CYP24A1: variants seen among roughly 807,000 people sequenced by gnomAD.
The protein encoded by CYP24A1 is cytochrome P450 family 24 subfamily A member 1.
In CYP24A1, 68 loss-of-function variants were observed where a neutral mutation model predicts 62.4. That is an observed-to-expected ratio of 1.09 (90% CI 0.90 to 1.33). The LOEUF (loss-of-function observed/expected upper bound fraction) is 1.33, where lower values mean the gene tolerates loss of function less well. CYP24A1 is among the 40% of genes most tolerant of loss of function. The probability of loss-of-function intolerance (pLI) is 0.00; values close to 1 mark genes in which losing one functional copy is unlikely to be tolerated. For missense variants in CYP24A1, 787 were observed against 653.0 expected (o/e 1.21, Z -2.24); for synonymous variants, 267 against 253.0 (o/e 1.06, Z -0.52).
chr20:54,167,217 A>G (rs1432526701), intron 4 of CYP24A1, among the ~76,000 whole-genome samples: 1 of 152,164 alleles, frequency 6.6e-6, no homozygotes, highest in African/African-American at 2.4e-5. Context: ...AACTACCTCC[A>G]TGTTTTCCAA....
chr20:54,173,661 G>A lies in CYP24A1; in HGVS notation c.-82C>T. On this transcript the variant is annotated 5_prime_UTR_variant, in exon 1 of 12. Transcript: ENST00000216862. This position sits in a 1 kb window ranked among gnomAD's most constrained non-coding sequence, Gnocchi z 7.2. ...GTACGAGGTGCTAGTGGGAGTCGGG[G>A]CTTAACGATTCTGGGAAAAGGAAGC... 1.1e-6 allele frequency: 1 copy of A among 932,594 alleles called. No homozygotes were observed. Among genetic ancestry groups the A allele is most frequent in the South Asian group, 1.5e-5 (1 of 65,702 alleles). The allele number at this position is 932,594 out of a possible 1,614,324, so 57.8% of individuals were successfully genotyped here.
At chr20:54,151,756 C>T (rs986591643), downstream of CYP24A1, among the ~76,000 whole-genome samples, 7 of 151,772 alleles carry the variant, frequency 4.6e-5, no homozygotes, top group African/African-American at 1.5e-4. Context: ...TAGAGATGAG[C>T]AGTACATGAC....
chr20:54,156,964 A>G (rs2092630171), intron 11 of CYP24A1, among the ~76,000 whole-genome samples: 1 of 152,096 alleles, frequency 6.6e-6, no homozygotes. Flanking sequence ...TTCATATTAA[A>G]TTTTTGTGAT....
the CYP24A1 span, among the ~76,000 whole-genome samples, chr20:54,146,789 G>A: frequency 6.6e-6 from 1 of 152,160 alleles, no homozygotes; most frequent in Admixed American, 6.5e-5. Context: ...TGGTACTTGG[G>A]AGTTGATGCT....
At chr20:54,155,907 T>A (rs992933023) in intron 11 of CYP24A1, among the ~76,000 whole-genome samples, 15 of 130,960 alleles carry the variant, frequency 1.1e-4, no homozygotes, top group Non-Finnish European at 1.7e-4. Flanking sequence ...GCTATTTGGC[T>A]TATGTTATTT....
intron 9 of CYP24A1, 71 bp from the exon 10 acceptor site, chr20:54,157,656 A>C (rs1028060068): frequency 2.2e-6 from 2 of 910,536 alleles, no homozygotes; most frequent in African/African-American, 3.3e-5. Flanking sequence ...AATTGACACA[A>C]GTTGTCACCT....
chr20:54,157,631 A>ATTT (rs2092634207), intron 9 of CYP24A1, 46 bp from the exon 10 acceptor site: 1 of 1,149,240 alleles, frequency 8.7e-7, no homozygotes, highest in Non-Finnish European at 1.3e-6. Context: ...ACCAGAAGAG[A>ATTT]CCTTTGAATG....
Position 54,165,751 on chromosome 20 carries a change from G to T in CYP24A1, c.723C>A (p.Ala241=). The T allele has an allele frequency of 6.9e-7, 1 of 1,449,552 alleles. No individual in the cohort carries two copies. Among genetic ancestry groups the T allele is most frequent in the Non-Finnish European group, 9.7e-7 (1 of 1,029,454 alleles). The allele number at this position is 1,449,552 out of a possible 1,614,324, so 89.8% of individuals were successfully genotyped here. A position where few individuals can be genotyped will look rare whatever the true frequency, so the allele number is the denominator to read the frequency against. The change falls in exon 5 of 12, where the codon GCC becomes GCA. Residue 241 remains alanine, a synonymous_variant. Transcript: ENST00000216862. ...AGDEAVNFIM[A]IKTMMSTFGR... ...TAAAGAGGCTGCTTACTGTTTTGAT[G>T]GCCATGATGAAGTTCACAGCTTCAT... is the stretch of plus-strand genomic sequence containing the variant.
Position 54,157,380 on chromosome 20 carries a change from G to A in CYP24A1, c.1434+8C>T. The A allele has an allele frequency of 1.3e-6, 2 of 1,562,980 alleles. No homozygotes were observed. Among genetic ancestry groups the A allele is most frequent in the Non-Finnish European group, 1.8e-6 (2 of 1,133,206 alleles). On this transcript the variant is annotated splice_region_variant and intron_variant, in intron 10 of 11. Transcript: ENST00000216862. Reference sequence around the variant, plus strand: ...GAACATAATTGCAGAAACCGGTAAAGGTTTTACCCAACAAAGAGCCAAATG... The same window carrying A: ...GAACATAATTGCAGAAACCGGTAAAAGTTTTACCCAACAAAGAGCCAAATG...
Position 54,165,924 on chromosome 20 carries a change from C to T in CYP24A1, c.641-91G>A, listed in dbSNP as rs1313842812. 3.6e-6 allele frequency: 3 copies of T among 840,340 alleles called. No homozygotes were observed. The African/African-American group carries it at 5.0e-5, about 14-fold the overall frequency. The allele number at this position is 840,340 out of a possible 1,614,324, so 52.1% of individuals were successfully genotyped here. A position where few individuals can be genotyped will look rare whatever the true frequency, so the allele number is the denominator to read the frequency against. On this transcript the variant is annotated intron_variant, in intron 4 of 11. Transcript: ENST00000216862. ...TGGTTATTAAAGACTCAATTCTATG[C>T]CTCTTAAAAGTGTGGGATTTTCTGA...
Position 54,162,763 on chromosome 20 carries a change from TC to T in CYP24A1, c.943del (p.Glu315AsnfsTer21). 6.3e-7 allele frequency: 1 copy of T among 1,595,336 alleles called. No individual in the cohort carries two copies. Among genetic ancestry groups the T allele is most frequent in the Non-Finnish European group, 8.6e-7 (1 of 1,163,172 alleles). On this transcript the variant is annotated frameshift_variant, in exon 7 of 12. Transcript: ENST00000216862. LOFTEE classifies it high-confidence loss of function. ...IYHQNRLSKK[E>X]LYAAVTELQL... is the part of the protein sequence containing the mutation. The stretch of plus-strand genomic sequence containing the variant: ...GAGCTCTGTGACAGCAGCATACAAT[TC>T]TTTCTTTGAAAGCCGATTCTGGTGA...
chr20:54,172,805 G>T lies in CYP24A1; in HGVS notation c.449+104C>A. The stretch of plus-strand genomic sequence containing the variant: ...CTTTGGTATCCGCCCTACGTAAGAA[G>T]CTTCCAACCCCAGGGAACTCTAACT... On this transcript the variant is annotated intron_variant, in intron 2 of 11. Transcript: ENST00000216862. The T allele has an allele frequency of 3.8e-6, 6 of 1,587,358 alleles. No homozygotes were observed. In the South Asian group the frequency reaches 5.6e-5, roughly 15 times the overall value.
downstream of CYP24A1, among the ~76,000 whole-genome samples, chr20:54,150,010 C>T (rs761620577): frequency 8.5e-5 from 13 of 152,156 alleles, no homozygotes; most frequent in Non-Finnish European, 1.9e-4. Flanking sequence ...TGGATTAAAA[C>T]CCATTTATGC....
At position 54,173,602 on chromosome 20, in the gene CYP24A1, C is replaced by T. The variant is rs776599088; in HGVS notation, c.-23G>A. Reference sequence around the variant, plus strand: ...CATGGCAGCGGGGGACACCGGAGCGCGGGAAGGCAGGAGGATGGGGTGGGG... The same window carrying T: ...CATGGCAGCGGGGGACACCGGAGCGTGGGAAGGCAGGAGGATGGGGTGGGG... On this transcript the variant is annotated 5_prime_UTR_variant, in exon 1 of 12. Transcript: ENST00000216862. This position sits in a 1 kb window ranked among gnomAD's most constrained non-coding sequence, Gnocchi z 7.2. 3 of 1,551,690 alleles carry T rather than the reference C, an allele frequency of 1.9e-6. No individual in the cohort carries two copies. Among genetic ancestry groups the T allele is most frequent in the South Asian group, 1.2e-5 (1 of 86,392 alleles).
intron 3 of CYP24A1, 68 bp from the exon 4 acceptor site, chr20:54,169,756 A>G: frequency 1.2e-6 from 2 of 1,605,038 alleles, no homozygotes; most frequent in Non-Finnish European, 1.7e-6. Context: ...TTTAAAGCTC[A>G]CTGAGCTAAC....
At chr20:54,168,873 TC>T (rs112599105) in intron 4 of CYP24A1, among the ~76,000 whole-genome samples, 1 of 80,312 alleles carries the variant, frequency 1.2e-5, no homozygotes, top group Non-Finnish European at 2.7e-5. Flanking sequence ...CTTCCTTCCT[TC>T]CTTCCTTCCT....
At chr20:54,155,439 G>A (rs2092624071) in intron 11 of CYP24A1, among the ~76,000 whole-genome samples, 1 of 152,098 alleles carries the variant, frequency 6.6e-6, no homozygotes, top group South Asian at 2.1e-4. Context: ...TGTTACAAAT[G>A]TCTTATTTCC....
intron 2 of CYP24A1, among the ~76,000 whole-genome samples, chr20:54,172,337 A>T (rs1482426816): frequency 1.3e-5 from 2 of 152,226 alleles, no homozygotes; most frequent in Non-Finnish European, 2.9e-5. Flanking sequence ...CTAACTTGTT[A>T]AATGCTAACA....
At chr20:54,158,048 A>C (rs186081936) in intron 9 of CYP24A1, 38 bp downstream of exon 9, 39 of 1,611,050 alleles carry the variant, frequency 2.4e-5, no homozygotes, top group African/African-American at 1.7e-4. Flanking sequence ...GTATCTTCCA[A>C]GGTTTTGTAA....
Sources: gnomAD v4.1 joint callset for allele counts (sites outside exome capture counted in the v4.1 genomes callset) on GRCh38, gnomAD v4.1.1 for gene constraint, Gnocchi (gnomAD v3.1) non-coding constraint, MANE v1.5 for transcripts, NCBI Gene and HGNC (gene_info 2026-07-23, HGNC 2026-07-21) for gene names.